Variants in ZNF737 observed in about 807,000 individuals in gnomAD.
ZNF737 encodes the protein zinc finger protein 737, also known as zinc finger protein 102 (Y3).
ZNF737 carries 13 observed loss-of-function variants against 11.7 expected under a neutral mutation model. The observed-to-expected ratio is 1.11, with a 90% CI of 0.73 to 1.77. The LOEUF (loss-of-function observed/expected upper bound fraction) is 1.77, where lower values mean the gene tolerates loss of function less well. Ranked by LOEUF, ZNF737 falls within the 40% of genes most tolerant of loss-of-function variation. ZNF737 has a pLI of 0.00. For synonymous variants in ZNF737, 217 were observed against 216.2 expected (o/e 1.00, Z -0.03); for missense variants, 636 against 638.0 (o/e 1.00, Z 0.03).
In ZNF737 at chr19:20,565,618, T is replaced by G. The variant is rs1555763612; in HGVS notation, c.3+20A>C. Reference sequence around the variant, plus strand: ...ACCAGCCTATCCCCCTCTCTCGGGATGTCGGACCGGCACTCTCACCATTTC... The same window carrying G: ...ACCAGCCTATCCCCCTCTCTCGGGAGGTCGGACCGGCACTCTCACCATTTC... On this transcript the variant is annotated intron_variant, in intron 1 of 3. Transcript: ENST00000427401. 5 of 1,614,176 alleles carry G rather than the reference T, an allele frequency of 3.1e-6. No homozygotes were observed. Among genetic ancestry groups the G allele is most frequent in the Non-Finnish European group, 4.2e-6 (5 of 1,180,032 alleles).
At position 20,544,851 on chromosome 19, in the gene ZNF737, T is replaced by C; in HGVS notation, c.1352A>G (p.Lys451Arg). 1 of 1,613,854 alleles carries C rather than the reference T, an allele frequency of 6.2e-7. No homozygotes were observed. The change falls in exon 4 of 4, where the codon AAA becomes AGA. Residue 451 changes from lysine to arginine, a missense_variant. Coordinates refer to ENST00000427401, the MANE Select transcript of ZNF737 (RefSeq NM_001159293.2). ...GCCACATTCTTCACATTTGTAGGGT[T>C]TCTCTCCAGTATGAATTCTCTTATG... ...TTHKRIHTGE[K>R]PYKCEECGKA... is the part of the protein sequence containing the mutation.
At chr19:20,537,493 C>T (rs1968018500), downstream of ZNF737, among the ~76,000 whole-genome samples, 1 of 144,270 alleles carries the variant, frequency 6.9e-6, no homozygotes, top group South Asian at 2.2e-4. Context: ...CGAGCCACCA[C>T]ATTCAGCCTG....
Position 20,540,453 on chromosome 19 carries a change from CTAAA to C in ZNF737, c.*4135_*4138del, listed in dbSNP as rs1968155750. 6.6e-6 allele frequency among the ~76,000 whole-genome samples: 1 copy of C among 152,060 alleles called. No homozygotes were observed. Among genetic ancestry groups the C allele is most frequent in the South Asian group, 2.1e-4 (1 of 4,818 alleles). On this transcript the variant is annotated 3_prime_UTR_variant, in exon 4 of 4. Coordinates refer to ENST00000427401, the MANE Select transcript of ZNF737 (RefSeq NM_001159293.2). ...TTATCTTAGAATGTTGCCTACCCACCTAAATAAATGTTTAAAATCATCTTTTGCT... is the reference window on the plus strand; with the variant it reads ...TTATCTTAGAATGTTGCCTACCCACCTAAATGTTTAAAATCATCTTTTGCT...
Position 20,540,843 on chromosome 19 carries a change from A to G in ZNF737, c.*3749T>C, listed in dbSNP as rs1424716002. Reference sequence around the variant, plus strand: ...TGGATATAATAATTAACTACTTTTTAGTTTTATTCATTACAAATAACTATT... The same window carrying G: ...TGGATATAATAATTAACTACTTTTTGGTTTTATTCATTACAAATAACTATT... On this transcript the variant is annotated 3_prime_UTR_variant, in exon 4 of 4. Coordinates refer to ENST00000427401, the MANE Select transcript of ZNF737 (RefSeq NM_001159293.2). 3.2e-6 allele frequency: 3 copies of G among 929,672 alleles called. No individual in the cohort carries two copies. The African/African-American group carries it at 5.4e-5, about 17-fold the overall frequency. The allele number at this position is 929,672 out of a possible 1,614,324, so 57.6% of individuals were successfully genotyped here.
chr19:20,551,680 T>C (rs1405527245), intron 3 of ZNF737, among the ~76,000 whole-genome samples: 1 of 151,748 alleles, frequency 6.6e-6, no homozygotes, highest in African/African-American at 2.4e-5. Context: ...AAATCTTATT[T>C]AATATAGCAT....
intron 1 of ZNF737, among the ~76,000 whole-genome samples, chr19:20,565,249 T>G (rs2144717767): frequency 6.6e-6 from 1 of 152,272 alleles, no homozygotes; most frequent in Middle Eastern, 3.4e-3. Context: ...AAATTTTGAA[T>G]AGCAGAAAAC....
rs1184974595 is a variant in ZNF737 at position 20,538,780 on chromosome 19, CTGT to C, written c.*5809_*5811del. On this transcript the variant is annotated 3_prime_UTR_variant, in exon 4 of 4. Transcript: ENST00000427401. Reference sequence around the variant, plus strand: ...CCAATAGAGTCTTAATTTAATTGGGCTGTTATTTGCATAGCTAGATAATTACCA... The same window carrying C: ...CCAATAGAGTCTTAATTTAATTGGGCTATTTGCATAGCTAGATAATTACCA... 18 of 985,224 alleles carry C rather than the reference CTGT, an allele frequency of 1.8e-5. No individual in the cohort carries two copies. Among genetic ancestry groups the C allele is most frequent in the Non-Finnish European group, 2.0e-5 (17 of 829,918 alleles). The allele number at this position is 985,224 out of a possible 1,614,324, so 61.0% of individuals were successfully genotyped here.
In ZNF737 at chr19:20,542,542, T is replaced by C. The variant is rs1394375139; in HGVS notation, c.*2050A>G. 10 of 982,634 alleles carry C rather than the reference T, an allele frequency of 1.0e-5. No individual in the cohort carries two copies. Among genetic ancestry groups the C allele is most frequent in the Non-Finnish European group, 1.2e-5 (10 of 827,540 alleles). 60.9% of individuals were successfully genotyped at this position (982,634 alleles called of 1,614,324 possible). A position where few individuals can be genotyped will look rare whatever the true frequency, so the allele number is the denominator to read the frequency against. ...CCATCAAGCCCGGCCCTAACAGTTT[T>C]AAAATGCACTGCATTTTATTACATA... On this transcript the variant is annotated 3_prime_UTR_variant, in exon 4 of 4. Transcript: ENST00000427401.
Position 20,538,648 on chromosome 19 carries a change from AT to A in ZNF737, c.*5943del, listed in dbSNP as rs1568421354. ...CCAGAGAACAAACATTTCTAAAACC[AT>A]TATGGACCCTGAGTAATTCAGGGGG... On this transcript the variant is annotated 3_prime_UTR_variant, in exon 4 of 4. Transcript: ENST00000427401. The A allele has an allele frequency of 1.0e-6, 1 of 984,892 alleles. No homozygotes were observed. Among genetic ancestry groups the A allele is most frequent in the African/African-American group, 1.7e-5 (1 of 57,234 alleles). 61.0% of individuals were successfully genotyped at this position (984,892 alleles called of 1,614,324 possible). A position where few individuals can be genotyped will look rare whatever the true frequency, so the allele number is the denominator to read the frequency against.
intron 1 of ZNF737, among the ~76,000 whole-genome samples, chr19:20,565,171 G>A (rs113932405): frequency 0.12 from 17,744 of 152,214 alleles, 1,157 homozygotes; most frequent in Middle Eastern, 0.17. Flanking sequence ...CTGACCTCAA[G>A]TTATCCGCCT....
chr19:20,540,927 T>C lies in ZNF737; in HGVS notation c.*3665A>G, dbSNP rs1555754972. 1 of 972,722 alleles carries C rather than the reference T, an allele frequency of 1.0e-6. No homozygotes were observed. Among genetic ancestry groups the C allele is most frequent in the Non-Finnish European group, 1.2e-6 (1 of 818,502 alleles). 60.3% of individuals were successfully genotyped at this position (972,722 alleles called of 1,614,324 possible). A position where few individuals can be genotyped will look rare whatever the true frequency, so the allele number is the denominator to read the frequency against. ...ATACATTCACACACACATAGAACAATAAAAATATATCCAATTATTCAATTT... is the reference window on the plus strand; with the variant it reads ...ATACATTCACACACACATAGAACAACAAAAATATATCCAATTATTCAATTT... On this transcript the variant is annotated 3_prime_UTR_variant, in exon 4 of 4. Coordinates refer to ENST00000427401, the MANE Select transcript of ZNF737 (RefSeq NM_001159293.2).
At chr19:20,548,980 A>AAAAAAAAAAAAAAC (rs1491170549) in intron 3 of ZNF737, among the ~76,000 whole-genome samples, 4 of 66,500 alleles carry the variant, frequency 6.0e-5, no homozygotes, top group Non-Finnish European at 9.0e-5. Flanking sequence ...AAAAAAAAAA[A>AAAAAAAAAAAAAAC]CAATTATGTA....
Position 20,543,866 on chromosome 19 carries a change from G to A in ZNF737, c.*726C>T, listed in dbSNP as rs1197364618. Reference sequence around the variant, plus strand: ...CTTGTGGCTGGGCGTCGTGGCTCACGCCTGTAATCCCAGCACTTTAGGAGG... The same window carrying A: ...CTTGTGGCTGGGCGTCGTGGCTCACACCTGTAATCCCAGCACTTTAGGAGG... On this transcript the variant is annotated 3_prime_UTR_variant, in exon 4 of 4. Transcript: ENST00000427401. The A allele has an allele frequency of 8.1e-6, 8 of 984,308 alleles. No homozygotes were observed. Among genetic ancestry groups the A allele is most frequent in the South Asian group, 9.4e-5 (2 of 21,262 alleles). The allele number at this position is 984,308 out of a possible 1,614,324, so 61.0% of individuals were successfully genotyped here.
At chr19:20,531,088 C>T (rs1453182958), downstream of ZNF737, among the ~76,000 whole-genome samples, 2 of 146,420 alleles carry the variant, frequency 1.4e-5, no homozygotes, top group Admixed American at 6.8e-5. Context: ...ACCAGTCAGG[C>T]GTGGCGGCGC....
At position 20,540,220 on chromosome 19, in the gene ZNF737, G is replaced by A. The variant is rs373319734; in HGVS notation, c.*4372C>T. The stretch of plus-strand genomic sequence containing the variant: ...GTCACTTACTTTCAGGCCAGCAGGG[G>A]TGTTTTTCTGTGATGTGTCTCTTTC... On this transcript the variant is annotated 3_prime_UTR_variant, in exon 4 of 4. Transcript: ENST00000427401. 42 of 891,550 alleles carry A rather than the reference G, an allele frequency of 4.7e-5. No homozygotes were observed. In the East Asian group the frequency reaches 1.1e-3, roughly 23 times the overall value. The allele number at this position is 891,550 out of a possible 1,614,324, so 55.2% of individuals were successfully genotyped here.
chr19:20,559,079 G>A (rs782354015), intron 1 of ZNF737, among the ~76,000 whole-genome samples: 4 of 152,116 alleles, frequency 2.6e-5, no homozygotes, highest in African/African-American at 4.8e-5. Flanking sequence ...AAGAAACACT[G>A]CATGAAAACC....
At chr19:20,534,750 G>C (rs569988431), downstream of ZNF737, among the ~76,000 whole-genome samples, 1 of 149,902 alleles carries the variant, frequency 6.7e-6, no homozygotes, top group Admixed American at 6.7e-5. Context: ...TGACCAATTT[G>C]ATCAGTAGCC....
intron 3 of ZNF737, among the ~76,000 whole-genome samples, chr19:20,551,559 TCTAAA>T (rs1164422664): frequency 1.3e-5 from 2 of 152,028 alleles, no homozygotes; most frequent in African/African-American, 4.8e-5. Context: ...TTAAAACCTG[TCTAAA>T]CTAATGAATA....
At position 20,543,126 on chromosome 19, in the gene ZNF737, ATTT is replaced by A; in HGVS notation, c.*1463_*1465del. The A allele has an allele frequency of 1.0e-6, 1 of 953,770 alleles. No individual in the cohort carries two copies. Among genetic ancestry groups the A allele is most frequent in the Non-Finnish European group, 1.2e-6 (1 of 801,458 alleles). The allele number at this position is 953,770 out of a possible 1,614,324, so 59.1% of individuals were successfully genotyped here. A position where few individuals can be genotyped will look rare whatever the true frequency, so the allele number is the denominator to read the frequency against. The stretch of plus-strand genomic sequence containing the variant: ...ATATACAATCTATTTTGAATTAAAT[ATTT>A]TTTAATATTTACTGCATCTGCAAAA... On this transcript the variant is annotated 3_prime_UTR_variant, in exon 4 of 4. Coordinates refer to ENST00000427401, the MANE Select transcript of ZNF737 (RefSeq NM_001159293.2).
Sources: allele counts gnomAD v4.1 joint callset (sites outside exome capture counted in the v4.1 genomes callset), GRCh38; gene constraint gnomAD v4.1.1; transcripts MANE v1.5; gene names NCBI Gene and HGNC (gene_info 2026-07-23, HGNC 2026-07-21).